The following TNPO1 variants were observed in gnomAD, a reference collection of about 807,000 sequenced individuals.
TNPO1 encodes the protein transportin 1.
A neutral mutation model predicts 119.5 loss-of-function variants in TNPO1; 8 were observed. The ratio of observed to expected loss-of-function variants is 0.07; its 90% CI spans 0.04 to 0.12. The LOEUF is 0.12. TNPO1 is among the 10% of genes least tolerant of loss of function. TNPO1 has a pLI of 1.00. For missense variants in TNPO1, 576 were observed against 1,089.8 expected (o/e 0.53, Z 6.64); for synonymous variants, 362 against 363.0 (o/e 1.00, Z 0.03).
intron 9 of TNPO1, among the ~76,000 whole-genome samples, chr5:72,879,393 C>CT (rs1371123448): frequency 1.3e-5 from 2 of 152,168 alleles, no homozygotes; most frequent in Admixed American, 1.3e-4. Context: ...TACTCTAACT[C>CT]TATTACTGCA....
At chr5:72,884,140 C>A (rs1238156385) in intron 11 of TNPO1, among the ~76,000 whole-genome samples, 1 of 152,118 alleles carries the variant, frequency 6.6e-6, no homozygotes, top group Non-Finnish European at 1.5e-5. Context: ...TGAGAAATAA[C>A]CAGGATGTTT....
At chr5:72,898,445 T>C (rs1024366778) in intron 20 of TNPO1, among the ~76,000 whole-genome samples, 1 of 152,128 alleles carries the variant, frequency 6.6e-6, no homozygotes, top group African/African-American at 2.4e-5. Flanking sequence ...TGGATTAAAT[T>C]GATATTATTG....
chr5:72,868,467 T>G (rs42439), intron 6 of TNPO1, among the ~76,000 whole-genome samples: 1 of 128,510 alleles, frequency 7.8e-6, no homozygotes, highest in Non-Finnish European at 1.6e-5. Flanking sequence ...AAACACAAAA[T>G]AATATATCAG....
At chr5:72,848,727 C>T (rs1745297109) in intron 2 of TNPO1, among the ~76,000 whole-genome samples, 1 of 147,690 alleles carries the variant, frequency 6.8e-6, no homozygotes, top group African/African-American at 2.4e-5. Flanking sequence ...GGGGCTCACG[C>T]CGCCAAGGCC....
At chr5:72,875,048 A>G (rs1322688895) in intron 7 of TNPO1, among the ~76,000 whole-genome samples, 1 of 152,206 alleles carries the variant, frequency 6.6e-6, no homozygotes, top group African/African-American at 2.4e-5. Flanking sequence ...CTTATTTGTA[A>G]AATTGAATAA....
rs1749084568 is a variant in TNPO1 at position 72,891,842 on chromosome 5, C to A, written c.1734C>A (p.Ile578=). Residue 578 remains isoleucine, a synonymous_variant, in exon 15 of 25, where the codon ATC becomes ATA. Coordinates refer to ENST00000337273, the MANE Select transcript of TNPO1 (RefSeq NM_002270.4). ...TTCAGATGCTAATGCCTCCACTGAT[C>A]CAGAAATGGAACATGTTAAAGGATG... ...EYIQMLMPPL[I]QKWNMLKDED... 1 of 1,610,646 alleles carries A rather than the reference C, an allele frequency of 6.2e-7. No homozygotes were observed. The highest frequency in any genetic ancestry group is 8.5e-7 in the Non-Finnish European group (1 of 1,178,420).
chr5:72,870,577 G>C (rs529000186), intron 6 of TNPO1, among the ~76,000 whole-genome samples: 49 of 152,272 alleles, frequency 3.2e-4, no homozygotes, highest in Middle Eastern at 3.4e-3. Context: ...GTAAATGGTA[G>C]CATTTAAGTT....
chr5:72,905,460 G>T lies in TNPO1; in HGVS notation c.*35+15G>T. ...CAAAATTAGGGGTAAGTTATAAGAA[G>T]TTTGGAAATTTTCAGGATGAAGAAA... On this transcript the variant is annotated intron_variant, in intron 24 of 24. Coordinates refer to ENST00000337273, the MANE Select transcript of TNPO1 (RefSeq NM_002270.4). 1 of 1,369,716 alleles carries T rather than the reference G, an allele frequency of 7.3e-7. No individual in the cohort carries two copies. 84.8% of individuals were successfully genotyped at this position (1,369,716 alleles called of 1,614,324 possible).
intron 4 of TNPO1, among the ~76,000 whole-genome samples, chr5:72,859,840 A>G (rs1397633261): frequency 6.6e-6 from 1 of 152,200 alleles, no homozygotes; most frequent in Admixed American, 6.5e-5. Context: ...TCATTCCCGT[A>G]TTTGTTATAA....
chr5:72,854,125 A>G (rs1745803464), intron 3 of TNPO1, among the ~76,000 whole-genome samples: 1 of 152,240 alleles, frequency 6.6e-6, no homozygotes, highest in Non-Finnish European at 1.5e-5. Flanking sequence ...ATTAACAGGT[A>G]ATTTAAGGCA....
At chr5:72,852,412 G>A (rs546245777) in intron 3 of TNPO1, among the ~76,000 whole-genome samples, 1 of 152,290 alleles carries the variant, frequency 6.6e-6, no homozygotes, top group African/African-American at 2.4e-5. Context: ...AGGAGCTTAC[G>A]TTGTAGTGAG....
chr5:72,890,048 G>C (rs1347778857), intron 14 of TNPO1, 91 bp downstream of exon 14: 1 of 1,440,498 alleles, frequency 6.9e-7, no homozygotes, highest in East Asian at 2.4e-5. Flanking sequence ...AAGATGTTTT[G>C]GGAGATGTGA....
chr5:72,855,168 G>A (rs1361838201), intron 3 of TNPO1, among the ~76,000 whole-genome samples: 1 of 151,784 alleles, frequency 6.6e-6, no homozygotes, highest in Non-Finnish European at 1.5e-5. Flanking sequence ...GCTAATTTGG[G>A]GGTTTTTAGT....
intron 3 of TNPO1, among the ~76,000 whole-genome samples, chr5:72,852,173 A>G (rs1745631824): frequency 1.3e-5 from 2 of 152,248 alleles, no homozygotes; most frequent in Admixed American, 6.5e-5. Flanking sequence ...AAAAGTCTAC[A>G]TGAAACTTTT....
intron 12 of TNPO1, among the ~76,000 whole-genome samples, chr5:72,887,574 A>G (rs1021517762): frequency 2.0e-5 from 3 of 152,216 alleles, no homozygotes; most frequent in Admixed American, 6.5e-5. Flanking sequence ...AGTCCCAGCT[A>G]CTTGGAAGGC....
At chr5:72,883,340 G>C (rs979630540) in intron 11 of TNPO1, 108 bp downstream of exon 11, 38 of 645,310 alleles carry the variant, frequency 5.9e-5, no homozygotes, top group Admixed American at 1.5e-4. Context: ...CATTTCATTG[G>C]TTTTTAGTAT....
At chr5:72,882,395 G>T (rs1320566043) in intron 9 of TNPO1, 72 bp from the exon 10 acceptor site, 2 of 1,152,006 alleles carry the variant, frequency 1.7e-6, no homozygotes, top group South Asian at 2.9e-5. Context: ...ATTAGTACAT[G>T]TAAGGTTAAG....
intron 1 of TNPO1, among the ~76,000 whole-genome samples, chr5:72,830,988 A>G (rs1744431094): frequency 6.6e-6 from 1 of 152,256 alleles, no homozygotes; most frequent in African/African-American, 2.4e-5. Context: ...TAGTCAAGAT[A>G]TTTGTAAGCA....
In TNPO1 at chr5:72,865,690, A is replaced by C; in HGVS notation, c.557A>C (p.Lys186Thr). The C allele has an allele frequency of 6.2e-7, 1 of 1,613,850 alleles. No individual in the cohort carries two copies. Among genetic ancestry groups the C allele is most frequent in the Non-Finnish European group, 8.5e-7 (1 of 1,179,864 alleles). Residue 186 changes from lysine (K) to threonine (T), a missense_variant, in exon 6 of 25, where the codon AAA becomes ACA. Lys to Thr is a moderately conservative substitution (Grantham distance 78). This residue lies in a region of TNPO1 where 310 missense variants were observed against 583.0 expected (regional missense o/e 0.53). Coordinates refer to ENST00000337273, the MANE Select transcript of TNPO1 (RefSeq NM_002270.4). Reference sequence around the variant, plus strand: ...CGTCCTCTCAACATCATGATTCCCAAATTTTTACAGTTCTTCAAGCATAGT... The same window carrying C: ...CGTCCTCTCAACATCATGATTCCCACATTTTTACAGTTCTTCAAGCATAGT... ...LDRPLNIMIP[K>T]FLQFFKHSSP...
Sources: allele counts gnomAD v4.1 joint callset (sites outside exome capture counted in the v4.1 genomes callset), GRCh38; gene constraint gnomAD v4.1.1; regional missense constraint gnomAD v4.1.1; transcripts MANE v1.5; gene names NCBI Gene and HGNC (gene_info 2026-07-23, HGNC 2026-07-21).